Variants in ST6GALNAC5 observed in about 807,000 individuals in gnomAD.
ST6GALNAC5 encodes the protein alpha-N-acetylgalactosaminide alpha-2,6-sialyltransferase 5.
ST6GALNAC5 carries 27 observed loss-of-function variants against 33.6 expected under a neutral mutation model. That is an observed-to-expected ratio of 0.80 (90% CI 0.59 to 1.11). The LOEUF (loss-of-function observed/expected upper bound fraction) is 1.11. Among genes scored for constraint, ST6GALNAC5 ranks in the 50% least tolerant of loss-of-function variants. The probability of loss-of-function intolerance (pLI) is 0.00; values close to 1 mark genes in which losing one functional copy is unlikely to be tolerated. For missense variants in ST6GALNAC5, 428 were observed against 454.0 expected, an observed-to-expected ratio of 0.94 and a Z score of 0.52; for synonymous variants, 194 against 171.2, an observed-to-expected ratio of 1.13 and a Z score of -1.04.
chr1:76,988,315 C>T (rs951461097), intron 2 of ST6GALNAC5, among the ~76,000 whole-genome samples: 1 of 151,948 alleles, frequency 6.6e-6, no homozygotes, highest in African/African-American at 2.4e-5. Context: ...TCTTCTGTGT[C>T]CTTGCCAATA....
intron 2 of ST6GALNAC5, among the ~76,000 whole-genome samples, chr1:76,951,246 C>T (rs1411842195): frequency 6.6e-6 from 1 of 152,122 alleles, no homozygotes; most frequent in Non-Finnish European, 1.5e-5. Flanking sequence ...TAACCTCCAT[C>T]ACCACTTTAA....
At chr1:77,008,540 T>A (rs569260025) in intron 2 of ST6GALNAC5, among the ~76,000 whole-genome samples, 21 of 152,292 alleles carry the variant, frequency 1.4e-4, no homozygotes, top group Non-Finnish European at 2.6e-4. Flanking sequence ...ATCTTTTTTT[T>A]ATTTTTTTAG....
At position 77,017,222 on chromosome 1, in the gene ST6GALNAC5, A is replaced by C. The variant is rs184481176; in HGVS notation, c.262-26982A>C. 2.0e-4 allele frequency among the ~76,000 whole-genome samples: 31 copies of C among 151,938 alleles called. No individual in the cohort carries two copies. In the East Asian group the frequency reaches 6.0e-3, roughly 30 times the overall value. ...TCTCAAGCAGTAAACACTGGGGGAC[A>C]CTTCTAGTGAGTGCATCTGACATCA... On this transcript the variant is annotated intron_variant, in intron 2 of 4. Coordinates refer to ENST00000477717, the MANE Select transcript of ST6GALNAC5 (RefSeq NM_030965.3).
Position 76,876,383 on chromosome 1 carries a change from C to T in ST6GALNAC5, c.261+7641C>T, listed in dbSNP as rs574795196. ...CCATTTTGTTCATGGGCCCATTGAG[C>T]AATGACAGGGGTGGCTGGGGAAAGA... On this transcript the variant is annotated intron_variant, in intron 2 of 4. Transcript: ENST00000477717. 2.4e-3 allele frequency among the ~76,000 whole-genome samples: 363 copies of T among 152,290 alleles called. 1 individual carries two copies. The highest frequency in any genetic ancestry group is 4.4e-3 in the Non-Finnish European group (299 of 68,020).
intron 2 of ST6GALNAC5, among the ~76,000 whole-genome samples, chr1:76,904,928 T>C (rs1032632110): frequency 4.6e-5 from 7 of 152,174 alleles, no homozygotes; most frequent in African/African-American, 1.7e-4. Flanking sequence ...GAAGACAGAT[T>C]AGTATATATC....
intron 2 of ST6GALNAC5, among the ~76,000 whole-genome samples, chr1:76,931,953 G>C (rs1193045610): frequency 1.3e-5 from 2 of 152,054 alleles, no homozygotes; most frequent in African/African-American, 4.8e-5. Context: ...GAGATGGAAA[G>C]AGTTTCAAGA....
intron 2 of ST6GALNAC5, among the ~76,000 whole-genome samples, chr1:76,932,154 A>G (rs1445860626): frequency 2.6e-5 from 4 of 152,148 alleles, no homozygotes; most frequent in African/African-American, 9.7e-5. Flanking sequence ...TGAACTAAGG[A>G]AAGAGTTTTC....
At chr1:76,919,644 C>A (rs922120837) in intron 2 of ST6GALNAC5, among the ~76,000 whole-genome samples, 2 of 152,156 alleles carry the variant, frequency 1.3e-5, no homozygotes, top group South Asian at 2.1e-4. Flanking sequence ...ATCTTAACAT[C>A]CCCTGTGCCT....
rs369888538 is a variant in ST6GALNAC5, at chr1:76,867,710, T to G, written c.15+20T>G. On this transcript the variant is annotated intron_variant, in intron 1 of 4. Transcript: ENST00000477717. ...CTGATGGTGAGTCAGTTGTGGCAAC[T>G]CCACCGGGCAAAGAGGGGGATCCCC... The G allele has an allele frequency of 6.2e-7, 1 of 1,613,778 alleles. No individual in the cohort carries two copies. The highest frequency in any genetic ancestry group is 8.5e-7 in the Non-Finnish European group (1 of 1,179,896).
At chr1:76,918,212 T>C (rs980044151) in intron 2 of ST6GALNAC5, among the ~76,000 whole-genome samples, 1 of 152,172 alleles carries the variant, frequency 6.6e-6, no homozygotes, top group Non-Finnish European at 1.5e-5. Flanking sequence ...GAAATCTTTT[T>C]TCTGGCTTCT....
chr1:76,872,779 G>A (rs146659728), intron 2 of ST6GALNAC5, among the ~76,000 whole-genome samples: 1 of 152,158 alleles, frequency 6.6e-6, no homozygotes, highest in East Asian at 1.9e-4. Context: ...TGAATCTCAA[G>A]GAAATTCAAA....
intron 2 of ST6GALNAC5, among the ~76,000 whole-genome samples, chr1:77,041,684 G>A (rs1387586176): frequency 6.6e-6 from 1 of 152,102 alleles, no homozygotes; most frequent in African/African-American, 2.4e-5. Context: ...AGGGGAATAG[G>A]GGCCACTTTC....
intron 2 of ST6GALNAC5, among the ~76,000 whole-genome samples, chr1:76,986,226 C>A (rs1649488668): frequency 6.6e-6 from 1 of 152,104 alleles, no homozygotes; most frequent in African/African-American, 2.4e-5. Context: ...AGTGAGCAGA[C>A]AACCTAAAGA....
intron 2 of ST6GALNAC5, among the ~76,000 whole-genome samples, chr1:76,969,317 C>T (rs967134916): frequency 6.6e-6 from 1 of 152,226 alleles, no homozygotes; most frequent in Non-Finnish European, 1.5e-5. Flanking sequence ...ACAGGACACT[C>T]CTGCCCAAAT....
intron 4 of ST6GALNAC5, among the ~76,000 whole-genome samples, chr1:77,054,695 G>A (rs1652334227): frequency 6.6e-6 from 1 of 152,122 alleles, no homozygotes; most frequent in Non-Finnish European, 1.5e-5. Flanking sequence ...GTGAGTGCCT[G>A]ATCCCCAAGG....
intron 4 of ST6GALNAC5, among the ~76,000 whole-genome samples, chr1:77,056,338 T>C (rs1652397761): frequency 6.6e-6 from 1 of 152,214 alleles, no homozygotes; most frequent in African/African-American, 2.4e-5. Flanking sequence ...TTATAAATTA[T>C]TTGTGATAAT....
At chr1:77,044,171 C>G in intron 2 of ST6GALNAC5, 33 bp from the exon 3 acceptor site, 1 of 1,565,370 alleles carries the variant, frequency 6.4e-7, no homozygotes. Flanking sequence ...AGCCCTTTGC[C>G]CCTGACAGTG....
intron 2 of ST6GALNAC5, among the ~76,000 whole-genome samples, chr1:76,980,327 T>C (rs1208808699): frequency 1.3e-5 from 2 of 152,152 alleles, no homozygotes; most frequent in Admixed American, 1.3e-4. Context: ...TATTGACCAT[T>C]GTTTTCTGAA....
chr1:76,889,350 C>G (rs1653965932), intron 2 of ST6GALNAC5, among the ~76,000 whole-genome samples: 1 of 152,070 alleles, frequency 6.6e-6, no homozygotes, highest in Non-Finnish European at 1.5e-5. Flanking sequence ...TGCAGATTTA[C>G]CTGAATATTA....
Sources: allele counts gnomAD v4.1 joint callset (sites outside exome capture counted in the v4.1 genomes callset), GRCh38; gene constraint gnomAD v4.1.1; transcripts MANE v1.5; gene names NCBI Gene and HGNC (gene_info 2026-07-23, HGNC 2026-07-21).